Variants in SLC16A7 observed in about 807,000 individuals in gnomAD.
SLC16A7 encodes solute carrier family 16 member 7.
Under a neutral mutation model 34.9 loss-of-function variants are expected in SLC16A7, and 33 were observed. The observed-to-expected ratio is 0.94, with a 90% confidence interval of 0.72 to 1.26. The LOEUF (loss-of-function observed/expected upper bound fraction) is 1.26. Ranked by LOEUF, SLC16A7 falls within the 50% of genes most tolerant of loss-of-function variation. SLC16A7 has a pLI of 0.00. For missense variants in SLC16A7, 573 were observed against 578.1 expected (o/e 0.99, Z 0.09); for synonymous variants, 201 against 206.6 (o/e 0.97, Z 0.23).
chr12:59,696,422 C>T (rs992823881), intron 2 of SLC16A7: 9 of 151,850 alleles, frequency 5.9e-5, no homozygotes, highest in African/African-American at 2.2e-4. Flanking sequence ...ACATCTTTTC[C>T]TTTGTATTGC....
intron 2 of SLC16A7, chr12:59,665,021 G>T (rs1158969301): frequency 6.6e-6 from 1 of 151,934 alleles, no homozygotes; most frequent in Non-Finnish European, 1.5e-5. Flanking sequence ...TTTTCCTTTA[G>T]TGTCATGTGA....
intron 1 of SLC16A7, among the ~76,000 whole-genome samples, chr12:59,651,235 A>G (rs1352903717): frequency 6.6e-6 from 1 of 152,184 alleles, no homozygotes; most frequent in African/African-American, 2.4e-5. Context: ...AGGGTAGGCT[A>G]TGAATGTCTC....
rs374183286 is a variant in SLC16A7, at chr12:59,641,490, T to C, written c.-129-13662T>C. Among the ~76,000 whole-genome samples, 115 of 152,242 alleles carry C rather than the reference T, an allele frequency of 7.6e-4. 2 individuals carry two copies. The highest frequency in any genetic ancestry group is 2.5e-3 in the African/African-American group (102 of 41,582). ...TTTGATAGGATATAAAAATAGTTTA[T>C]TTATAAGCCAATACTTTTTTGATGA... On this transcript the variant is annotated intron_variant, in intron 1 of 5. Transcript: ENST00000547379.
intron 3 of SLC16A7, among the ~76,000 whole-genome samples, chr12:59,740,039 T>C (rs962242447): frequency 2.0e-5 from 3 of 151,542 alleles, no homozygotes; most frequent in African/African-American, 7.3e-5. Flanking sequence ...GCAGAAGCTC[T>C]TTAGTTTAAT....
At chr12:59,625,257 T>G (rs557457970) in intron 1 of SLC16A7, among the ~76,000 whole-genome samples, 2 of 151,924 alleles carry the variant, frequency 1.3e-5, no homozygotes, top group Non-Finnish European at 2.9e-5. Context: ...GGACTACCAA[T>G]TTTCCATTCT....
intron 2 of SLC16A7, among the ~76,000 whole-genome samples, chr12:59,686,784 G>A (rs551460041): frequency 2.0e-5 from 3 of 151,960 alleles, no homozygotes; most frequent in African/African-American, 7.2e-5. Context: ...AAGACTTACT[G>A]GTGTCTGACT....
intron 1 of SLC16A7, among the ~76,000 whole-genome samples, chr12:59,603,813 G>T (rs968041367): frequency 6.6e-6 from 1 of 152,148 alleles, no homozygotes; most frequent in Non-Finnish European, 1.5e-5. Context: ...CCACTTTTAT[G>T]TGTTGTTTTC....
At chr12:59,610,258 T>G (rs1028641692) in intron 1 of SLC16A7, among the ~76,000 whole-genome samples, 1 of 152,146 alleles carries the variant, frequency 6.6e-6, no homozygotes, top group Non-Finnish European at 1.5e-5. Context: ...GAATTACACC[T>G]GGAAATCTTT....
intron 2 of SLC16A7, among the ~76,000 whole-genome samples, chr12:59,667,895 C>G (rs1025728887): frequency 6.6e-6 from 1 of 152,200 alleles, no homozygotes; most frequent in Non-Finnish European, 1.5e-5. Context: ...TACCCTGCAT[C>G]CCAGCCATGG....
chr12:59,718,297 A>G (rs1430984165), intron 3 of SLC16A7, among the ~76,000 whole-genome samples: 1 of 152,206 alleles, frequency 6.6e-6, no homozygotes, highest in East Asian at 1.9e-4. Context: ...CCTGCATACA[A>G]TCTTGTTTCA....
intron 3 of SLC16A7, among the ~76,000 whole-genome samples, chr12:59,713,403 A>G (rs1044391165): frequency 6.6e-6 from 1 of 152,190 alleles, no homozygotes; most frequent in Admixed American, 6.5e-5. Flanking sequence ...AATTTACCGC[A>G]GTTCTTTTTA....
chr12:59,674,652 A>G (rs1290318585), intron 2 of SLC16A7, among the ~76,000 whole-genome samples: 1 of 152,082 alleles, frequency 6.6e-6, no homozygotes, highest in African/African-American at 2.4e-5. Context: ...AGCTCTCTAA[A>G]GTAAGAGGTG....
intron 4 of SLC16A7, among the ~76,000 whole-genome samples, chr12:59,773,971 A>T (rs1165719610): frequency 6.6e-6 from 1 of 152,228 alleles, no homozygotes; most frequent in Non-Finnish European, 1.5e-5. Context: ...AACACTGCCA[A>T]GGAACTCCCT....
At chr12:59,651,167 T>C (rs1250807848) in intron 1 of SLC16A7, among the ~76,000 whole-genome samples, 2 of 152,150 alleles carry the variant, frequency 1.3e-5, no homozygotes, top group African/African-American at 4.8e-5. Flanking sequence ...CTAAACAAAT[T>C]ATATTTTTTC....
chr12:59,750,631 C>T lies in SLC16A7; in HGVS notation c.218-20588C>T, dbSNP rs1349799672. 2.0e-5 allele frequency among the ~76,000 whole-genome samples: 3 copies of T among 152,260 alleles called. No homozygotes were observed. In the East Asian group the frequency reaches 5.8e-4, roughly 29 times the overall value. On this transcript the variant is annotated intron_variant, in intron 3 of 5. Transcript: ENST00000547379. ...TTGGTGGAAGTGTAAATTAGTTCAA[C>T]TGTTGTGGAAGATGGTATGGCGATT... is the stretch of plus-strand genomic sequence containing the variant.
rs527840708 is a variant in SLC16A7 at position 59,632,536 on chromosome 12, T to A, written c.-129-22616T>A. Reference sequence around the variant, plus strand: ...ATTCTTTGGGGCTCATAAATTTTAATCCTGTACTTGCACAACCCTGAATTC... The same window carrying A: ...ATTCTTTGGGGCTCATAAATTTTAAACCTGTACTTGCACAACCCTGAATTC... On this transcript the variant is annotated intron_variant, in intron 1 of 5. Coordinates refer to ENST00000547379, the MANE Select transcript of SLC16A7 (RefSeq NM_001270623.2). Among the ~76,000 whole-genome samples the A allele has an allele frequency of 2.0e-5, 3 of 152,034 alleles. No individual in the cohort carries two copies. In the East Asian group the frequency reaches 5.8e-4, roughly 30 times the overall value.
intron 1 of SLC16A7, among the ~76,000 whole-genome samples, chr12:59,603,042 A>G (rs1878764415): frequency 6.6e-6 from 1 of 152,108 alleles, no homozygotes; most frequent in Non-Finnish European, 1.5e-5. Flanking sequence ...TCATATTGAT[A>G]TCAGCAGTAT....
chr12:59,613,927 T>G (rs1337940754), intron 1 of SLC16A7, among the ~76,000 whole-genome samples: 1 of 152,172 alleles, frequency 6.6e-6, no homozygotes, highest in Non-Finnish European at 1.5e-5. Context: ...ATGAAGAACA[T>G]GCTAAGATTA....
intron 1 of SLC16A7, among the ~76,000 whole-genome samples, chr12:59,603,120 T>C (rs2136957324): frequency 6.6e-6 from 1 of 152,306 alleles, no homozygotes; most frequent in Middle Eastern, 3.4e-3. Flanking sequence ...ATTTTTTAAT[T>C]ATTTATTTCT....
Sources: allele counts gnomAD v4.1 joint callset (sites outside exome capture counted in the v4.1 genomes callset), GRCh38; gene constraint gnomAD v4.1.1; transcripts MANE v1.5; gene names NCBI Gene and HGNC (gene_info 2026-07-23, HGNC 2026-07-21).